Variants in SHC3 observed in about 807,000 individuals in gnomAD.
SHC3 encodes SHC adaptor protein 3, also known as SHC-transforming protein 3.
Under a neutral mutation model 60.4 loss-of-function variants are expected in SHC3, and 15 were observed. The observed-to-expected ratio is 0.25, with a 90% CI of 0.17 to 0.38. The LOEUF (loss-of-function observed/expected upper bound fraction) is 0.38, where lower values mean the gene tolerates loss of function less well. Among genes scored for constraint, SHC3 ranks in the 10% least tolerant of loss-of-function variants. The pLI, the probability that SHC3 is intolerant of heterozygous loss-of-function variation, is 1.00. For synonymous variants in SHC3, 294 were observed against 325.9 expected, an observed-to-expected ratio of 0.90 and a Z score of 1.05; for missense variants, 677 against 786.1, an observed-to-expected ratio of 0.86 and a Z score of 1.66.
chr9:89,128,635 C>T (rs1391959566), intron 1 of SHC3, among the ~76,000 whole-genome samples: 1 of 152,184 alleles, frequency 6.6e-6, no homozygotes, highest in Non-Finnish European at 1.5e-5. Context: ...TTCAGGCAGA[C>T]AGGTTCTGGA....
chr9:89,172,129 G>A (rs933221071), intron 1 of SHC3, among the ~76,000 whole-genome samples: 4 of 152,224 alleles, frequency 2.6e-5, no homozygotes, highest in Admixed American at 6.5e-5. Flanking sequence ...CTGTAACCAT[G>A]GAAACATGGC....
intron 2 of SHC3, among the ~76,000 whole-genome samples, chr9:89,091,712 A>AT (rs1825623917): frequency 6.6e-6 from 1 of 152,280 alleles, no homozygotes; most frequent in African/African-American, 2.4e-5. Flanking sequence ...GAACTTTTTC[A>AT]TCTTCCCCAA....
At chr9:89,100,498 A>G (rs970553846) in intron 2 of SHC3, among the ~76,000 whole-genome samples, 13 of 152,078 alleles carry the variant, frequency 8.5e-5, no homozygotes, top group African/African-American at 3.1e-4. Context: ...AGCCTCCCAA[A>G]GTGCTGGGAG....
intron 2 of SHC3, among the ~76,000 whole-genome samples, chr9:89,097,610 G>T (rs1825724114): frequency 6.6e-6 from 1 of 152,176 alleles, no homozygotes; most frequent in Non-Finnish European, 1.5e-5. Flanking sequence ...TTCATTTTTA[G>T]TCATTCCCCT....
chr9:89,131,086 A>C (rs1826237540), intron 1 of SHC3, among the ~76,000 whole-genome samples: 1 of 152,232 alleles, frequency 6.6e-6, no homozygotes, highest in Admixed American at 6.5e-5. Context: ...ATCACCACCT[A>C]TCCCACAGAA....
chr9:89,061,463 C>A (rs1210772273), intron 6 of SHC3, among the ~76,000 whole-genome samples: 1 of 152,200 alleles, frequency 6.6e-6, no homozygotes. Flanking sequence ...TTGTCTTCCC[C>A]ATGTGGGCTT....
At chr9:89,049,630 C>T (rs971962387) in intron 7 of SHC3, among the ~76,000 whole-genome samples, 2 of 152,204 alleles carry the variant, frequency 1.3e-5, no homozygotes, top group Non-Finnish European at 2.9e-5. Flanking sequence ...TATGTTAAAT[C>T]AAGTTTAGCC....
chr9:89,080,357 CTG>C (rs1262995854), intron 2 of SHC3, among the ~76,000 whole-genome samples: 1 of 152,202 alleles, frequency 6.6e-6, no homozygotes, highest in African/African-American at 2.4e-5. Context: ...TTGGCAACCT[CTG>C]TGGTCATCTG....
chr9:89,029,666 G>A (rs1475916228), intron 11 of SHC3, among the ~76,000 whole-genome samples: 6 of 152,154 alleles, frequency 3.9e-5, no homozygotes, highest in Non-Finnish European at 7.4e-5. Context: ...CACCTTAGAA[G>A]AGGAAGTCCA....
At chr9:89,037,672 C>T (rs78284770) in intron 11 of SHC3, 8,879 of 623,976 alleles carry the variant, frequency 0.014, 86 homozygotes, top group Non-Finnish European at 0.019. Flanking sequence ...CCTGTACTTC[C>T]TTGTCTACTA....
chr9:89,139,120 C>T (rs1037553512), intron 1 of SHC3, among the ~76,000 whole-genome samples: 1 of 152,136 alleles, frequency 6.6e-6, no homozygotes, highest in Non-Finnish European at 1.5e-5. Context: ...TTAGCTGATT[C>T]TAATGCACCC....
intron 4 of SHC3, among the ~76,000 whole-genome samples, chr9:89,071,611 C>T (rs1316953183): frequency 6.6e-6 from 1 of 152,176 alleles, no homozygotes; most frequent in Non-Finnish European, 1.5e-5. Flanking sequence ...GCGTATAGAG[C>T]ACCCTTAACA....
chr9:89,067,710 T>C (rs1286754911), intron 5 of SHC3, among the ~76,000 whole-genome samples: 1 of 152,210 alleles, frequency 6.6e-6, no homozygotes, highest in Non-Finnish European at 1.5e-5. Context: ...TTCTGCCCCA[T>C]GGTGGCCAGG....
intron 1 of SHC3, among the ~76,000 whole-genome samples, chr9:89,150,383 C>A (rs956554854): frequency 6.6e-6 from 1 of 152,150 alleles, no homozygotes. Flanking sequence ...CACACTCAGT[C>A]CCTGGTAATC....
intron 11 of SHC3, among the ~76,000 whole-genome samples, chr9:89,025,237 C>T (rs1281740920): frequency 6.6e-6 from 1 of 152,140 alleles, no homozygotes; most frequent in Non-Finnish European, 1.5e-5. Context: ...CATACACACA[C>T]ACACAGGGGC....
chr9:89,029,189 T>C (rs1034499739), intron 11 of SHC3, among the ~76,000 whole-genome samples: 2 of 151,530 alleles, frequency 1.3e-5, no homozygotes, highest in East Asian at 1.9e-4. Context: ...AGTTCTGAGA[T>C]GAAAAAATAT....
rs1564088953 is a variant in SHC3, at chr9:89,035,853, G to GA, written c.1656+2139_1656+2140insT. Among the ~76,000 whole-genome samples the GA allele has an allele frequency of 9.4e-3, 923 of 98,342 alleles. 8 individuals carry two copies. The highest frequency in any genetic ancestry group is 0.015 in the Non-Finnish European group (712 of 48,276). 64.5% of individuals were successfully genotyped at this position (98,342 alleles called of 152,430 possible). ...AAAATATATATATATATATATAGAT[G>GA]TGTGTGTGTGTGTGTGTGTGTGTGT... On this transcript the variant is annotated intron_variant, in intron 11 of 11. Coordinates refer to ENST00000375835, the MANE Select transcript of SHC3 (RefSeq NM_016848.6).
intron 11 of SHC3, among the ~76,000 whole-genome samples, chr9:89,033,091 C>T (rs1381869807): frequency 6.6e-6 from 1 of 150,704 alleles, no homozygotes; most frequent in East Asian, 2.0e-4. Flanking sequence ...AGTTCCTCCT[C>T]CAAAATTAAA....
intron 11 of SHC3, among the ~76,000 whole-genome samples, chr9:89,017,986 A>G (rs1227334868): frequency 6.6e-6 from 1 of 152,208 alleles, no homozygotes; most frequent in Admixed American, 6.5e-5. Flanking sequence ...AAAAGTCAGG[A>G]AACAACAGAT....
Sources: gnomAD v4.1 joint callset for allele counts (sites outside exome capture counted in the v4.1 genomes callset) on GRCh38, gnomAD v4.1.1 for gene constraint, MANE v1.5 for transcripts, NCBI Gene and HGNC (gene_info 2026-07-23, HGNC 2026-07-21) for gene names.